The following AMIGO1 variants were observed in gnomAD, a reference collection of about 807,000 sequenced individuals.
AMIGO1 encodes amphoterin-induced protein 1.
For missense variants in AMIGO1, 361 were observed against 612.3 expected (o/e 0.59, Z 4.33); for synonymous variants, 249 against 266.3 (o/e 0.93, Z 0.63).
At position 109,506,145 on chromosome 1, in the gene AMIGO1, T is replaced by A. The variant is rs1482969531; in HGVS notation, c.*1286A>T. The A allele has an allele frequency of 1.3e-5, 2 of 152,238 alleles. No individual in the cohort carries two copies. The highest frequency in any genetic ancestry group is 2.9e-5 in the Non-Finnish European group (2 of 68,054). 9.4% of individuals were successfully genotyped at this position (152,238 alleles called of 1,614,324 possible). A position where few individuals can be genotyped will look rare whatever the true frequency, so the allele number is the denominator to read the frequency against. ...CTGTGGAGAGGGCAGAACTTGAAGC[T>A]GCACTCCAAATTGCCATTCTGGGGT... is the stretch of plus-strand genomic sequence containing the variant. On this transcript the variant is annotated 3_prime_UTR_variant, in exon 2 of 2. Coordinates refer to ENST00000369864, the MANE Select transcript of AMIGO1 (RefSeq NM_020703.4).
In AMIGO1 at chr1:109,507,642, T is replaced by C. The variant is rs770410594; in HGVS notation, c.1271A>G (p.Asn424Ser). 7 of 1,614,074 alleles carry C rather than the reference T, an allele frequency of 4.3e-6. No homozygotes were observed. In the Admixed American group the frequency reaches 1.2e-4, roughly 27 times the overall value. Residue 424 changes from asparagine to serine, a missense_variant, in exon 2 of 2, where the codon AAC (asparagine) becomes AGC (serine). Asn to Ser is a conservative substitution (Grantham distance 46). Transcript: ENST00000369864. This position sits in a 1 kb window ranked among gnomAD's most constrained non-coding sequence, Gnocchi z 4.7. Reference protein sequence around the residue: ...LSSSMLSTTPNHDPMAGGDKD... With the variant: ...LSSSMLSTTPSHDPMAGGDKD... ...GTCCCCACCAGCCATAGGATCATGG[T>C]TGGGTGTGGTACTAAGCATGGAAGA...
In AMIGO1 at chr1:109,508,803, G is replaced by A. The variant is rs1658092946; in HGVS notation, c.110C>T (p.Ala37Val). ...GAGGATGTTGCTGGCGCACAAGCAGGCGGCAGGACAGCTAACCACGGCTCG... is the reference window on the plus strand; with the variant it reads ...GAGGATGTTGCTGGCGCACAAGCAGACGGCAGGACAGCTAACCACGGCTCG... ...AGRAVVSCPA[A>V]CLCASNILSC... The change falls in exon 2 of 2, where the codon GCC becomes GTC. Residue 37 changes from alanine (A) to valine (V), a missense_variant. Physicochemically the swap from Ala to Val is moderately conservative, Grantham distance 64. Transcript: ENST00000369864. The surrounding 1 kb of genome is among the most constrained non-coding windows in gnomAD (Gnocchi z 7.8). The A allele has an allele frequency of 6.2e-7, 1 of 1,613,944 alleles. No individual in the cohort carries two copies. Among genetic ancestry groups the A allele is most frequent in the Admixed American group, 1.7e-5 (1 of 59,994 alleles).
At position 109,508,565 on chromosome 1, in the gene AMIGO1, G is replaced by A. The variant is rs1375814931; in HGVS notation, c.348C>T (p.Asp116=). ...FSPVPNLRYL[D]LSSNQLRTLD... Reference sequence around the variant, plus strand: ...GTGTACGCAGCTGGTTGGAGGAGAGGTCCAGGTAGCGCAGGTTGGGTACCG... The same window carrying A: ...GTGTACGCAGCTGGTTGGAGGAGAGATCCAGGTAGCGCAGGTTGGGTACCG... The change falls in exon 2 of 2, where the codon GAC becomes GAT. Residue 116 remains aspartate, a synonymous_variant. Coordinates refer to ENST00000369864, the MANE Select transcript of AMIGO1 (RefSeq NM_020703.4). This position sits in a 1 kb window ranked among gnomAD's most constrained non-coding sequence, Gnocchi z 7.8. 1 of 1,614,154 alleles carries A rather than the reference G, an allele frequency of 6.2e-7. No homozygotes were observed. The highest frequency in any genetic ancestry group is 8.5e-7 in the Non-Finnish European group (1 of 1,180,040).
In AMIGO1 at chr1:109,504,645, C is replaced by T. The variant is rs1268927242; in HGVS notation, c.*2786G>A. The T allele has an allele frequency of 2.0e-5, 3 of 152,072 alleles. No individual in the cohort carries two copies. Among genetic ancestry groups the T allele is most frequent in the South Asian group, 4.1e-4 (2 of 4,824 alleles). 9.4% of individuals were successfully genotyped at this position (152,072 alleles called of 1,614,324 possible). A position where few individuals can be genotyped will look rare whatever the true frequency, so the allele number is the denominator to read the frequency against. On this transcript the variant is annotated 3_prime_UTR_variant, in exon 2 of 2. Coordinates refer to ENST00000369864, the MANE Select transcript of AMIGO1 (RefSeq NM_020703.4). ...TACATATGCTGATTATTCAATTCTCCAATTAAAAAGCTACCTTTGGGTTCT... is the reference window on the plus strand; with the variant it reads ...TACATATGCTGATTATTCAATTCTCTAATTAAAAAGCTACCTTTGGGTTCT...
chr1:109,507,327 G>C lies in AMIGO1; in HGVS notation c.*104C>G. The C allele has an allele frequency of 6.8e-7, 1 of 1,459,998 alleles. No homozygotes were observed. The highest frequency in any genetic ancestry group is 9.2e-7 in the Non-Finnish European group (1 of 1,085,108). 90.4% of individuals were successfully genotyped at this position (1,459,998 alleles called of 1,614,324 possible). A position where few individuals can be genotyped will look rare whatever the true frequency, so the allele number is the denominator to read the frequency against. Reference sequence around the variant, plus strand: ...GGGACCAATTCCCTTGAGGTCAGGAGGAATCCATTCCCTTGGGCAGCCAGC... The same window carrying C: ...GGGACCAATTCCCTTGAGGTCAGGACGAATCCATTCCCTTGGGCAGCCAGC... On this transcript the variant is annotated 3_prime_UTR_variant, in exon 2 of 2. Transcript: ENST00000369864. The surrounding 1 kb of genome is among the most constrained non-coding windows in gnomAD (Gnocchi z 4.7).
In AMIGO1 at chr1:109,507,655, T is replaced by C. The variant is rs1307056282; in HGVS notation, c.1258A>G (p.Ser420Gly). 1.2e-6 allele frequency: 2 copies of C among 1,614,144 alleles called. No homozygotes were observed. Among genetic ancestry groups the C allele is most frequent in the Admixed American group, 3.3e-5 (2 of 60,022 alleles). ...QGDSLSSSML[S>G]TTPNHDPMAG... is the part of the protein sequence containing the mutation. ...ATAGGATCATGGTTGGGTGTGGTAC[T>C]AAGCATGGAAGAGCTGAGGCTGTCT... Residue 420 changes from serine (S) to glycine (G), a missense_variant, in exon 2 of 2, where the codon AGT becomes GGT. By Grantham distance (56) the Ser-to-Gly change is moderately conservative. Transcript: ENST00000369864. The surrounding 1 kb of genome is among the most constrained non-coding windows in gnomAD (Gnocchi z 4.7).
Position 109,509,726 on chromosome 1 carries a change from G to A in AMIGO1, c.-394C>T, listed in dbSNP as rs1658125937. 1 of 148,936 alleles carries A rather than the reference G, an allele frequency of 6.7e-6. No homozygotes were observed. Among genetic ancestry groups the A allele is most frequent in the African/African-American group, 2.4e-5 (1 of 41,080 alleles). 9.2% of individuals were successfully genotyped at this position (148,936 alleles called of 1,614,324 possible). ...GGAGGGAGCGGCGTGGGGGCAGCGA[G>A]CACCGCGCGCGCGCCCGTCGCCGCC... On this transcript the variant is annotated 5_prime_UTR_variant, in exon 1 of 2. Coordinates refer to ENST00000369864, the MANE Select transcript of AMIGO1 (RefSeq NM_020703.4).
Position 109,508,969 on chromosome 1 carries a change from G to T in AMIGO1, c.-57C>A. The T allele has an allele frequency of 6.8e-7, 1 of 1,464,148 alleles. No individual in the cohort carries two copies. Among genetic ancestry groups the T allele is most frequent in the South Asian group, 1.4e-5 (1 of 70,108 alleles). The allele number at this position is 1,464,148 out of a possible 1,614,324, so 90.7% of individuals were successfully genotyped here. Reference sequence around the variant, plus strand: ...AGGAAGATCTGGGAGGAGGTCACCCGGGCATGTTCTGGTGGGGTACGGAAG... The same window carrying T: ...AGGAAGATCTGGGAGGAGGTCACCCTGGCATGTTCTGGTGGGGTACGGAAG... On this transcript the variant is annotated 5_prime_UTR_variant, in exon 2 of 2. Transcript: ENST00000369864. The surrounding 1 kb of genome is among the most constrained non-coding windows in gnomAD (Gnocchi z 7.8).
rs962298668 is a variant in AMIGO1 at position 109,509,443 on chromosome 1, G to C, written c.-111C>G. On this transcript the variant is annotated 5_prime_UTR_variant, in exon 1 of 2. Coordinates refer to ENST00000369864, the MANE Select transcript of AMIGO1 (RefSeq NM_020703.4). ...ACCTGCTCGGCGAGGACGTGTCTCA[G>C]CCCATGGCCGGTCTGGGAGCTCCGT... 8.5e-5 allele frequency: 13 copies of C among 153,502 alleles called. No individual in the cohort carries two copies. In the Middle Eastern group the frequency reaches 0.014, roughly 160 times the overall value. 9.5% of individuals were successfully genotyped at this position (153,502 alleles called of 1,614,324 possible).
chr1:109,506,401 TAAG>T lies in AMIGO1; in HGVS notation c.*1027_*1029del, dbSNP rs1658024188. 1 of 152,232 alleles carries T rather than the reference TAAG, an allele frequency of 6.6e-6. No homozygotes were observed. The highest frequency in any genetic ancestry group is 1.5e-5 in the Non-Finnish European group (1 of 68,058). 9.4% of individuals were successfully genotyped at this position (152,232 alleles called of 1,614,324 possible). Reference sequence around the variant, plus strand: ...AATTCAGAATCCCACCTGAGCTTGATAAGGAGACTGGATGAAGAGATGGCATAC... The same window carrying T: ...AATTCAGAATCCCACCTGAGCTTGATGAGACTGGATGAAGAGATGGCATAC... On this transcript the variant is annotated 3_prime_UTR_variant, in exon 2 of 2. Transcript: ENST00000369864.
Position 109,509,629 on chromosome 1 carries a change from G to T in AMIGO1, c.-297C>A, listed in dbSNP as rs1325329562. The T allele has an allele frequency of 6.6e-6, 1 of 151,698 alleles. No homozygotes were observed. The highest frequency in any genetic ancestry group is 1.5e-5 in the Non-Finnish European group (1 of 67,882). 9.4% of individuals were successfully genotyped at this position (151,698 alleles called of 1,614,324 possible). A position where few individuals can be genotyped will look rare whatever the true frequency, so the allele number is the denominator to read the frequency against. On this transcript the variant is annotated 5_prime_UTR_variant, in exon 1 of 2. Transcript: ENST00000369864. The stretch of plus-strand genomic sequence containing the variant: ...CTGAGCCCGCCGGAGCCCACCGACC[G>T]CGGTCGCTGCCTCCAGGTCCGCAGG...
Position 109,508,032 on chromosome 1 carries a change from T to C in AMIGO1, c.881A>G (p.Gln294Arg), listed in dbSNP as rs1557887895. The C allele has an allele frequency of 1.9e-6, 3 of 1,614,160 alleles. No individual in the cohort carries two copies. Among genetic ancestry groups the C allele is most frequent in the Non-Finnish European group, 2.5e-6 (3 of 1,180,040 alleles). The part of the protein sequence containing the change: ...DTLIIKCDTK[Q>R]QGMTKVWVTP... ...CACCCACACCTTGGTCATCCCTTGC[T>C]GCTTGGTGTCACACTTGATGATCAA... Residue 294 changes from glutamine to arginine, a missense_variant, in exon 2 of 2, where the codon CAG becomes CGG. Transcript: ENST00000369864. This position sits in a 1 kb window ranked among gnomAD's most constrained non-coding sequence, Gnocchi z 7.8.
In AMIGO1 at chr1:109,508,522, T is replaced by C; in HGVS notation, c.391A>G (p.Ser131Gly). The C allele has an allele frequency of 6.2e-7, 1 of 1,614,158 alleles. No individual in the cohort carries two copies. The highest frequency in any genetic ancestry group is 1.1e-5 in the South Asian group (1 of 91,082). ...QLRTLDEFLF[S>G]DLQVLEVLLL... ...AGCACCTCCAGTACTTGCAGGTCAC[T>C]GAACAGGAACTCATCCAGTGTACGC... The change falls in exon 2 of 2, where the codon AGT (serine) becomes GGT (glycine). Residue 131 changes from serine to glycine, a missense_variant. Physicochemically the swap from Ser to Gly is moderately conservative, Grantham distance 56. Coordinates refer to ENST00000369864, the MANE Select transcript of AMIGO1 (RefSeq NM_020703.4). The surrounding 1 kb of genome is among the most constrained non-coding windows in gnomAD (Gnocchi z 7.8).
rs1262978571 is a variant in AMIGO1, at chr1:109,509,011, G to A, written c.-87-12C>T. 9 of 1,367,968 alleles carry A rather than the reference G, an allele frequency of 6.6e-6. No homozygotes were observed. The highest frequency in any genetic ancestry group is 7.8e-6 in the Non-Finnish European group (8 of 1,026,038). 84.7% of individuals were successfully genotyped at this position (1,367,968 alleles called of 1,614,324 possible). The stretch of plus-strand genomic sequence containing the variant: ...GTACGGAAGGGTCACTTGAGAGAAA[G>A]AGGATGGGTTTGTGGTCACCAAGGA... On this transcript the variant is annotated splice_polypyrimidine_tract_variant and intron_variant, in intron 1 of 1. Coordinates refer to ENST00000369864, the MANE Select transcript of AMIGO1 (RefSeq NM_020703.4).
chr1:109,507,397 C>A lies in AMIGO1; in HGVS notation c.*34G>T. The A allele has an allele frequency of 6.4e-7, 1 of 1,560,466 alleles. No homozygotes were observed. The highest frequency in any genetic ancestry group is 1.8e-5 in the Admixed American group (1 of 55,708). On this transcript the variant is annotated 3_prime_UTR_variant, in exon 2 of 2. Transcript: ENST00000369864. The surrounding 1 kb of genome is among the most constrained non-coding windows in gnomAD (Gnocchi z 4.7). ...TATCCTTCAGGGGTGCATTACCTCT[C>A]CTGGGGCAGAATCTCCCCACCAACC...
chr1:109,508,349 C>G lies in AMIGO1; in HGVS notation c.564G>C (p.Thr188=), dbSNP rs755962381. 2 of 1,614,060 alleles carry G rather than the reference C, an allele frequency of 1.2e-6. No homozygotes were observed. Among genetic ancestry groups the G allele is most frequent in the Non-Finnish European group, 1.7e-6 (2 of 1,180,018 alleles). Residue 188 remains threonine, a synonymous_variant, in exon 2 of 2, where the codon ACG becomes ACC. Transcript: ENST00000369864. This position sits in a 1 kb window ranked among gnomAD's most constrained non-coding sequence, Gnocchi z 7.8. ...GCTTGTTAGAAGAGAGATCCAGGAG[C>G]GTTAGTTTGGGTAGCTTGGCTCCTT... ...VKEGAKLPKL[T]LLDLSSNKLK... is the part of the protein sequence containing the mutation.
In AMIGO1 at chr1:109,508,778, G is replaced by A; in HGVS notation, c.135C>T (p.Leu45=). The A allele has an allele frequency of 6.2e-7, 1 of 1,614,114 alleles. No homozygotes were observed. Among genetic ancestry groups the A allele is most frequent in the South Asian group, 1.1e-5 (1 of 91,080 alleles). Residue 45 remains leucine, a synonymous_variant, in exon 2 of 2, where the codon CTC becomes CTT. Coordinates refer to ENST00000369864, the MANE Select transcript of AMIGO1 (RefSeq NM_020703.4). This position sits in a 1 kb window ranked among gnomAD's most constrained non-coding sequence, Gnocchi z 7.8. The part of the protein sequence containing the change: ...PAACLCASNI[L]SCSKQQLPNV... ...TGGGCAGCTGCTGCTTGGAGCAGCT[G>A]AGGATGTTGCTGGCGCACAAGCAGG...
chr1:109,508,441 C>T lies in AMIGO1; in HGVS notation c.472G>A (p.Ala158Thr). Residue 158 changes from alanine to threonine, a missense_variant, in exon 2 of 2, where the codon GCC (alanine) becomes ACC (threonine). Ala to Thr is a moderately conservative substitution (Grantham distance 58). Transcript: ENST00000369864. This position sits in a 1 kb window ranked among gnomAD's most constrained non-coding sequence, Gnocchi z 7.8. ...CTCAAGTAGAGTTTCTGCAGCTGGG[C>T]CATGTCATCGAAGGCGCACCGGTCC... ...AVDRCAFDDM[A>T]QLQKLYLSQN... is the part of the protein sequence containing the mutation. 7.4e-6 allele frequency: 12 copies of T among 1,614,060 alleles called. No individual in the cohort carries two copies. Among genetic ancestry groups the T allele is most frequent in the Non-Finnish European group, 1.0e-5 (12 of 1,180,006 alleles).
Position 109,507,847 on chromosome 1 carries a change from A to G in AMIGO1, c.1066T>C (p.Leu356=), listed in dbSNP as rs550801997. ...ETFNETLSVE[L]KVHNFTLHGH... ...TGCAAGGTGAAATTGTGCACTTTCA[A>G]TTCCACAGACAGTGTCTCATTGAAA... Residue 356 remains leucine, a synonymous_variant, in exon 2 of 2, where the codon TTG becomes CTG. Transcript: ENST00000369864. The surrounding 1 kb of genome is among the most constrained non-coding windows in gnomAD (Gnocchi z 4.7). The G allele has an allele frequency of 1.9e-6, 3 of 1,614,140 alleles. No individual in the cohort carries two copies. Among genetic ancestry groups the G allele is most frequent in the South Asian group, 1.1e-5 (1 of 91,086 alleles).
Sources: allele counts gnomAD v4.1 joint callset, GRCh38; gene constraint gnomAD v4.1.1; non-coding constraint Gnocchi (gnomAD v3.1); transcripts MANE v1.5; gene names NCBI Gene and HGNC (gene_info 2026-07-23, HGNC 2026-07-21).